ZNF267: variants seen among roughly 807,000 people sequenced by gnomAD.
The protein encoded by ZNF267 is zinc finger (C2H2).
In ZNF267, 61 loss-of-function variants were observed where a neutral mutation model predicts 71.6. The observed-to-expected ratio is 0.85, with a 90% CI of 0.69 to 1.05. ZNF267 has a LOEUF of 1.05. Ranked by LOEUF, ZNF267 falls within the 50% of genes least tolerant of loss-of-function variation. The probability of loss-of-function intolerance (pLI) is 0.00; values close to 1 mark genes in which losing one functional copy is unlikely to be tolerated. For missense variants in ZNF267, 852 were observed against 870.0 expected, an observed-to-expected ratio of 0.98 and a Z score of 0.26; for synonymous variants, 288 against 293.2, an observed-to-expected ratio of 0.98 and a Z score of 0.18.
intron 3 of ZNF267, among the ~76,000 whole-genome samples, chr16:31,908,197 G>GT (rs961822380): frequency 3.3e-5 from 5 of 152,108 alleles, no homozygotes; most frequent in African/African-American, 4.8e-5. Flanking sequence ...CCTAGTTTGG[G>GT]TTTTTTTGAG....
chr16:31,909,648 C>T (rs1038750999), intron 3 of ZNF267, among the ~76,000 whole-genome samples: 1 of 152,124 alleles, frequency 6.6e-6, no homozygotes, highest in Non-Finnish European at 1.5e-5. Flanking sequence ...TCAGTTCTTA[C>T]TGTTTTTTGG....
At chr16:31,895,035 G>A (rs1204522327) in intron 3 of ZNF267, 2 of 270,406 alleles carry the variant, frequency 7.4e-6, no homozygotes, top group East Asian at 1.2e-4. Flanking sequence ...CCGGACCCAT[G>A]GCTCCCACTT....
At chr16:31,902,376 A>G (rs2084049025) in intron 3 of ZNF267, among the ~76,000 whole-genome samples, 1 of 152,032 alleles carries the variant, frequency 6.6e-6, no homozygotes, top group South Asian at 2.1e-4. Context: ...TCTGTAAATT[A>G]CCTTGGGCAG....
intron 1 of ZNF267, 80 bp downstream of exon 1, chr16:31,874,049 C>T (rs909228557): frequency 3.3e-6 from 5 of 1,497,384 alleles, no homozygotes; most frequent in Non-Finnish European, 3.7e-6. Flanking sequence ...TAGGGGCACC[C>T]GGGCCTCCCC....
intron 3 of ZNF267, among the ~76,000 whole-genome samples, chr16:31,892,358 C>T (rs1443460645): frequency 1.3e-5 from 2 of 152,148 alleles, no homozygotes; most frequent in African/African-American, 4.8e-5. Context: ...AGGTCCCTCC[C>T]ACAACACATG....
intron 3 of ZNF267, among the ~76,000 whole-genome samples, chr16:31,895,814 C>T (rs1476131835): frequency 2.0e-5 from 3 of 151,996 alleles, no homozygotes; most frequent in Admixed American, 6.6e-5. Context: ...TTTTAAAATT[C>T]GGTTATATGT....
rs1454121837 is a variant in ZNF267, at chr16:31,915,126, A to G, written c.877A>G (p.Asn293Asp). The G allele has an allele frequency of 2.6e-5, 42 of 1,613,378 alleles. No individual in the cohort carries two copies. Among genetic ancestry groups the G allele is most frequent in the Non-Finnish European group, 3.3e-5 (39 of 1,179,782 alleles). The change falls in exon 4 of 4, where the codon AAC (asparagine) becomes GAC (aspartate). Residue 293 changes from asparagine to aspartate, a missense_variant. Physicochemically the swap from Asn to Asp is conservative, Grantham distance 23. Coordinates refer to ENST00000300870, the MANE Select transcript of ZNF267 (RefSeq NM_003414.6). Reference protein sequence around the residue: ...IQHQTIHIRENSYSYNKYDKD... With the variant: ...IQHQTIHIREDSYSYNKYDKD... ...ACATCAGACCATCCATATCAGAGAA[A>G]ACTCATATAGCTATAACAAATATGA...
intron 1 of ZNF267, among the ~76,000 whole-genome samples, chr16:31,881,177 T>TA (rs1259473637): frequency 1.3e-5 from 2 of 152,234 alleles, no homozygotes; most frequent in Non-Finnish European, 2.9e-5. Context: ...TGTTGCATGT[T>TA]ACAAAATAGG....
chr16:31,915,690 A>G lies in ZNF267; in HGVS notation c.1441A>G (p.Met481Val), dbSNP rs1335471796. The G allele has an allele frequency of 1.9e-6, 3 of 1,613,770 alleles. No homozygotes were observed. Among genetic ancestry groups the G allele is most frequent in the Non-Finnish European group, 2.5e-6 (3 of 1,179,936 alleles). Residue 481 changes from methionine (M) to valine (V), a missense_variant, in exon 4 of 4, where the codon ATG (methionine) becomes GTG (valine). Transcript: ENST00000300870. The part of the protein sequence containing the change: ...KSYARSSNLI[M>V]HQRVHTGEKP... ...TTATGCTCGTTCTTCAAATCTTATT[A>G]TGCATCAGAGAGTTCATACTGGAGA...
chr16:31,874,684 C>G (rs950419266), intron 1 of ZNF267, among the ~76,000 whole-genome samples: 2 of 152,212 alleles, frequency 1.3e-5, no homozygotes, highest in African/African-American at 4.8e-5. Context: ...ACTATAACCA[C>G]TTCCGTATAA....
intron 3 of ZNF267, among the ~76,000 whole-genome samples, chr16:31,896,211 C>CT (rs1049856460): frequency 2.6e-5 from 4 of 152,078 alleles, no homozygotes; most frequent in Non-Finnish European, 5.9e-5. Flanking sequence ...CAGGATCTCA[C>CT]TATGTAGCCC....
Position 31,874,157 on chromosome 16 carries a change from C to T in ZNF267, c.3+188C>T. Reference sequence around the variant, plus strand: ...ATGGCGGCCAGGCCGGCAGCCGGGACCCCGCGTGTCCTGTCCCATCCCGAC... The same window carrying T: ...ATGGCGGCCAGGCCGGCAGCCGGGATCCCGCGTGTCCTGTCCCATCCCGAC... On this transcript the variant is annotated intron_variant, in intron 1 of 3. Transcript: ENST00000300870. The T allele has an allele frequency of 1.1e-5, 7 of 615,900 alleles. No individual in the cohort carries two copies. The South Asian group carries it at 1.2e-4, about 11-fold the overall frequency. The allele number at this position is 615,900 out of a possible 1,614,324, so 38.2% of individuals were successfully genotyped here. A position where few individuals can be genotyped will look rare whatever the true frequency, so the allele number is the denominator to read the frequency against.
intron 3 of ZNF267, among the ~76,000 whole-genome samples, chr16:31,890,497 A>G (rs2083953029): frequency 6.6e-6 from 1 of 152,232 alleles, no homozygotes; most frequent in Non-Finnish European, 1.5e-5. Flanking sequence ...CCTTAAATCA[A>G]AAGTGAGTCT....
At chr16:31,880,269 A>G (rs1596614002) in intron 1 of ZNF267, among the ~76,000 whole-genome samples, 1 of 152,166 alleles carries the variant, frequency 6.6e-6, no homozygotes, top group Non-Finnish European at 1.5e-5. Context: ...CAGTTCTGTG[A>G]GTGGTTCCTT....
At chr16:31,902,974 G>A (rs2084054184) in intron 3 of ZNF267, among the ~76,000 whole-genome samples, 2 of 152,136 alleles carry the variant, frequency 1.3e-5, no homozygotes, top group African/African-American at 2.4e-5. Flanking sequence ...AATACCTAAT[G>A]TATTGAGAGT....
rs768521580 is a variant in ZNF267 at position 31,915,469 on chromosome 16, C to T, written c.1220C>T (p.Pro407Leu). 4 of 1,613,810 alleles carry T rather than the reference C, an allele frequency of 2.5e-6. No individual in the cohort carries two copies. The highest frequency in any genetic ancestry group is 3.4e-6 in the Non-Finnish European group (4 of 1,179,896). Residue 407 changes from proline (P) to leucine (L), a missense_variant, in exon 4 of 4, where the codon CCA becomes CTA. Transcript: ENST00000300870. ...CAGAGAATTCACACTGGAGAGAAAC[C>T]ATACAAATGTAAAGAATGTGGCAAA... ...VHQRIHTGEK[P>L]YKCKECGKAF...
intron 1 of ZNF267, chr16:31,874,180 G>A: frequency 1.9e-6 from 1 of 536,632 alleles, no homozygotes; most frequent in East Asian, 3.3e-5. Context: ...GTCCCATCCC[G>A]ACCCCGCAGA....
chr16:31,886,088 CT>C (rs1567473001), intron 3 of ZNF267, among the ~76,000 whole-genome samples: 2 of 152,056 alleles, frequency 1.3e-5, no homozygotes, highest in Admixed American at 6.5e-5. Flanking sequence ...CCTTTAGTTC[CT>C]TTTTTTTCTT....
At chr16:31,889,283 A>G (rs746276189) in intron 3 of ZNF267, among the ~76,000 whole-genome samples, 3 of 137,830 alleles carry the variant, frequency 2.2e-5, no homozygotes, top group Non-Finnish European at 1.6e-5. Context: ...TCTAATTTTT[A>G]TTATTTCCAT....
Sources: allele counts gnomAD v4.1 joint callset (sites outside exome capture counted in the v4.1 genomes callset), GRCh38; gene constraint gnomAD v4.1.1; transcripts MANE v1.5; gene names NCBI Gene and HGNC (gene_info 2026-07-23, HGNC 2026-07-21).